The following PTGER3 variants were observed in gnomAD, a reference collection of about 807,000 sequenced individuals.
PTGER3 encodes prostaglandin E receptor 3, also known as prostaglandin E2 receptor EP3 subtype.
A neutral mutation model predicts 34.7 loss-of-function variants in PTGER3; 22 were observed. The ratio of observed to expected loss-of-function variants is 0.63; its 90% confidence interval spans 0.45 to 0.91. The LOEUF is 0.91. Among genes scored for constraint, PTGER3 ranks in the 40% least tolerant of loss-of-function variants. PTGER3 has a pLI of 0.00. For missense variants in PTGER3, 468 were observed against 519.4 expected (o/e 0.90, Z 0.96); for synonymous variants, 241 against 230.1 (o/e 1.05, Z -0.43).
intron 2 of PTGER3, among the ~76,000 whole-genome samples, chr1:70,995,759 C>T (rs1655884609): frequency 6.6e-6 from 1 of 152,028 alleles, no homozygotes; most frequent in South Asian, 2.1e-4. Context: ...GTACAAAATA[C>T]TTTTATAAGT....
intron 4 of PTGER3, among the ~76,000 whole-genome samples, chr1:70,875,754 G>A (rs574571802): frequency 2.0e-5 from 3 of 152,204 alleles, no homozygotes; most frequent in African/African-American, 7.2e-5. Context: ...AGTTTGCTTA[G>A]GATTATGGCC....
At chr1:70,954,760 T>C (rs1408477452) in intron 2 of PTGER3, among the ~76,000 whole-genome samples, 1 of 152,170 alleles carries the variant, frequency 6.6e-6, no homozygotes, top group Non-Finnish European at 1.5e-5. Context: ...TACAAATATT[T>C]CTTTTTTGTT....
At chr1:70,993,332 A>T (rs765815144) in intron 2 of PTGER3, among the ~76,000 whole-genome samples, 5 of 152,224 alleles carry the variant, frequency 3.3e-5, no homozygotes, top group Non-Finnish European at 5.9e-5. Flanking sequence ...TATAAAGCGC[A>T]TGTGTATACA....
intron 2 of PTGER3, among the ~76,000 whole-genome samples, chr1:70,959,414 C>T (rs374269616): frequency 5.3e-5 from 8 of 150,134 alleles, no homozygotes; most frequent in Non-Finnish European, 7.4e-5. Context: ...AGTGCAGTGG[C>T]AAGATCTCAG....
intron 2 of PTGER3, among the ~76,000 whole-genome samples, chr1:71,003,676 ACCT>A (rs1460902585): frequency 1.3e-5 from 2 of 152,126 alleles, no homozygotes; most frequent in Non-Finnish European, 2.9e-5. Flanking sequence ...TAATAATTCT[ACCT>A]CCAGTTACAT....
chr1:70,922,943 G>T (rs995791011), intron 4 of PTGER3, among the ~76,000 whole-genome samples: 1 of 152,090 alleles, frequency 6.6e-6, no homozygotes, highest in Admixed American at 6.6e-5. Context: ...TTGAGCATTA[G>T]AATAAAAGCA....
At chr1:70,960,267 C>T (rs112585292) in intron 2 of PTGER3, among the ~76,000 whole-genome samples, 19 of 152,128 alleles carry the variant, frequency 1.2e-4, no homozygotes, top group African/African-American at 4.3e-4. Context: ...AAGAAACTAA[C>T]ACTAATACAC....
At chr1:70,864,241 C>G (rs1186127420) in intron 4 of PTGER3, among the ~76,000 whole-genome samples, 1 of 151,856 alleles carries the variant, frequency 6.6e-6, no homozygotes, top group African/African-American at 2.4e-5. Flanking sequence ...TCTGACCTCC[C>G]CAAGACTCCT....
At chr1:71,012,256 G>A (rs1250193604) in intron 2 of PTGER3, 49 bp downstream of exon 2, 2 of 1,613,936 alleles carry the variant, frequency 1.2e-6, no homozygotes, top group Non-Finnish European at 8.5e-7. Flanking sequence ...AATGAGATAG[G>A]CTGCCCTTTC....
At chr1:70,933,746 G>C (rs979216064) in intron 4 of PTGER3, among the ~76,000 whole-genome samples, 1 of 152,172 alleles carries the variant, frequency 6.6e-6, no homozygotes, top group Non-Finnish European at 1.5e-5. Flanking sequence ...TTAATAGCTA[G>C]AGTCACTCTA....
intron 4 of PTGER3, chr1:70,884,065 T>A: frequency 2.5e-6 from 1 of 403,640 alleles, no homozygotes; most frequent in Non-Finnish European, 4.9e-6. Context: ...CCAGTCTGGG[T>A]GAGAGAGCAA....
At chr1:70,887,880 T>C (rs1353960465) in intron 4 of PTGER3, among the ~76,000 whole-genome samples, 3 of 151,618 alleles carry the variant, frequency 2.0e-5, no homozygotes, top group African/African-American at 7.3e-5. Context: ...TTTTCTTTCT[T>C]CCATTATGTT....
At position 70,935,672 on chromosome 1, in the gene PTGER3, A is replaced by AATATATATATATATATATATATAT. The variant is rs10577850; in HGVS notation, c.*23+18090_*23+18091insATATATATATATATATATATATAT. ...TGTTGGTACTAAGGATACAAATATA[A>AATATATATATATATATATATATAT]ATATATATATATATATATATATGTT... On this transcript the variant is annotated intron_variant, in intron 4 of 4. Coordinates refer to the PTGER3 transcript ENST00000370931. 7.3e-4 allele frequency among the ~76,000 whole-genome samples: 102 copies of AATATATATATATATATATATATAT among 140,198 alleles called. 1 individual carries two copies. The highest frequency in any genetic ancestry group is 2.7e-3 in the African/African-American group (100 of 36,408). The allele number at this position is 140,198 out of a possible 152,430, so 92.0% of individuals were successfully genotyped here.
intron 4 of PTGER3, among the ~76,000 whole-genome samples, chr1:70,874,604 C>T (rs1006495145): frequency 1.3e-5 from 2 of 152,190 alleles, no homozygotes; most frequent in East Asian, 1.9e-4. Flanking sequence ...ATCTGCCCTT[C>T]TTTGTTTTCT....
intron 1 of PTGER3, among the ~76,000 whole-genome samples, chr1:71,043,509 TTA>T (rs1283202130): frequency 1.3e-5 from 2 of 152,218 alleles, no homozygotes; most frequent in African/African-American, 4.8e-5. Flanking sequence ...TGAATATTTA[TTA>T]TAGTCATGAT....
In PTGER3 at chr1:71,009,923, G is replaced by T. The variant is rs891269003; in HGVS notation, c.1077+2382C>A. 4.1e-6 allele frequency: 4 copies of T among 984,996 alleles called. No individual in the cohort carries two copies. In the African/African-American group the frequency reaches 7.0e-5, roughly 17 times the overall value. The allele number at this position is 984,996 out of a possible 1,614,324, so 61.0% of individuals were successfully genotyped here. A position where few individuals can be genotyped will look rare whatever the true frequency, so the allele number is the denominator to read the frequency against. ...TAACCTCAACCATCATGAAAAGGCT[G>T]AAATCATTTGGGATTTTCATTTCTT... is the stretch of plus-strand genomic sequence containing the variant. On this transcript the variant is annotated intron_variant, in intron 2 of 3. Transcript: ENST00000306666.
In PTGER3 at chr1:71,004,939, C is replaced by T. The variant is rs114975528; in HGVS notation, c.1077+7366G>A. Among the ~76,000 whole-genome samples, 662 of 152,330 alleles carry T rather than the reference C, an allele frequency of 4.3e-3. 6 individuals carry two copies. Among genetic ancestry groups the T allele is most frequent in the African/African-American group, 0.015 (633 of 41,566 alleles). On this transcript the variant is annotated intron_variant, in intron 2 of 3. Transcript: ENST00000306666. ...AGTGCCTATGTGGACCAAGGCCCCACAGATGGCCTCACCCCTCAAACCCTT... is the reference window on the plus strand; with the variant it reads ...AGTGCCTATGTGGACCAAGGCCCCATAGATGGCCTCACCCCTCAAACCCTT...
intron 4 of PTGER3, among the ~76,000 whole-genome samples, chr1:70,893,740 A>C (rs1646667040): frequency 6.6e-6 from 1 of 152,182 alleles, no homozygotes; most frequent in Admixed American, 6.5e-5. Context: ...TCCTTTGAAA[A>C]CTACTGCCAA....
At chr1:70,854,732 A>C (rs1645763117) in intron 4 of PTGER3, among the ~76,000 whole-genome samples, 1 of 151,988 alleles carries the variant, frequency 6.6e-6, no homozygotes, top group African/African-American at 2.4e-5. Flanking sequence ...TGTGAGTCAA[A>C]CCTCTTTTCT....
Sources: allele counts gnomAD v4.1 joint callset (sites outside exome capture counted in the v4.1 genomes callset), GRCh38; gene constraint gnomAD v4.1.1; transcripts MANE v1.5; gene names NCBI Gene and HGNC (gene_info 2026-07-23, HGNC 2026-07-21).